MAGI3: variants seen among roughly 807,000 people sequenced by gnomAD.
MAGI3 encodes membrane associated guanylate kinase, WW and PDZ domain containing 3, also known as membrane-associated guanylate kinase, WW and PDZ domain-containing protein 3.
Under a neutral mutation model 121.8 loss-of-function variants are expected in MAGI3, and 43 were observed. That is an observed-to-expected ratio of 0.35 (90% CI 0.28 to 0.46). MAGI3 has a LOEUF of 0.46. Among genes scored for constraint, MAGI3 ranks in the 20% least tolerant of loss-of-function variants. MAGI3 has a pLI of 1.00. For missense variants in MAGI3, 1,547 were observed against 1,797.3 expected (o/e 0.86, Z 2.52); for synonymous variants, 553 against 639.3 (o/e 0.86, Z 2.04).
chr1:113,510,456 A>C (rs1258293021), intron 1 of MAGI3, among the ~76,000 whole-genome samples: 3 of 151,908 alleles, frequency 2.0e-5, no homozygotes, highest in Non-Finnish European at 4.4e-5. Context: ...AAAGCACCAA[A>C]TATCTGTTTG....
intron 1 of MAGI3, among the ~76,000 whole-genome samples, chr1:113,514,071 T>C (rs1013233779): frequency 2.6e-5 from 4 of 151,890 alleles, no homozygotes; most frequent in Non-Finnish European, 5.9e-5. Context: ...AAAACCACAA[T>C]GAGATACCAT....
chr1:113,529,669 T>G (rs565771422), intron 1 of MAGI3, among the ~76,000 whole-genome samples: 28 of 152,314 alleles, frequency 1.8e-4, no homozygotes, highest in African/African-American at 6.7e-4. Flanking sequence ...GAGGCATGCC[T>G]AGTATATTTG....
rs3748001 is a variant in MAGI3 at position 113,658,936 on chromosome 1, C to T, written c.2630-144C>T. The T allele has an allele frequency of 1.9e-3, 1,314 of 689,596 alleles. 32 individuals are homozygous for T. In the East Asian group the frequency reaches 0.028, roughly 15 times the overall value. 42.7% of individuals were successfully genotyped at this position (689,596 alleles called of 1,614,324 possible). A position where few individuals can be genotyped will look rare whatever the true frequency, so the allele number is the denominator to read the frequency against. Reference sequence around the variant, plus strand: ...GTATGAAAATAGTTCCGTTTGGATGCGATGATGACGTGTGGTACTTTTCTG... The same window carrying T: ...GTATGAAAATAGTTCCGTTTGGATGTGATGATGACGTGTGGTACTTTTCTG... On this transcript the variant is annotated intron_variant, in intron 15 of 20. Transcript: ENST00000307546. This position sits in a 1 kb window ranked among gnomAD's most constrained non-coding sequence, Gnocchi z 4.0.
At chr1:113,514,596 A>G (rs1396257297) in intron 1 of MAGI3, among the ~76,000 whole-genome samples, 1 of 150,692 alleles carries the variant, frequency 6.6e-6, no homozygotes, top group Non-Finnish European at 1.5e-5. Flanking sequence ...GGACACAGGA[A>G]GGGGAACATC....
At chr1:113,530,300 A>G (rs1658643790) in intron 1 of MAGI3, among the ~76,000 whole-genome samples, 1 of 151,072 alleles carries the variant, frequency 6.6e-6, no homozygotes, top group East Asian at 1.9e-4. Flanking sequence ...TGATTAGCTC[A>G]TCTAAAACTT....
At chr1:113,629,763 C>CCCCCT (rs1553209695) in intron 9 of MAGI3, among the ~76,000 whole-genome samples, 1 of 45,174 alleles carries the variant, frequency 2.2e-5, no homozygotes, top group Non-Finnish European at 4.6e-5. Context: ...TCTCTCTCTC[C>CCCCCT]CTCCCTCCCT....
At position 113,584,966 on chromosome 1, in the gene MAGI3, CCTTT is replaced by C. The variant is rs1648266251; in HGVS notation, c.554-420_554-417del. Among the ~76,000 whole-genome samples the C allele has an allele frequency of 1.4e-4, 15 of 110,730 alleles. 1 individual carries two copies. Among genetic ancestry groups the C allele is most frequent in the African/African-American group, 4.4e-4 (12 of 27,324 alleles). 72.6% of individuals were successfully genotyped at this position (110,730 alleles called of 152,430 possible). A position where few individuals can be genotyped will look rare whatever the true frequency, so the allele number is the denominator to read the frequency against. On this transcript the variant is annotated intron_variant, in intron 3 of 20. Transcript: ENST00000307546. ...TCCTTTTGGCCAATGGTAGATATTTCCTTTTTTTTTTTTTTTTTTTTTTGAGGCA... is the reference window on the plus strand; with the variant it reads ...TCCTTTTGGCCAATGGTAGATATTTCTTTTTTTTTTTTTTTTTTTGAGGCA...
At chr1:113,639,142 T>A (rs1468322883) in intron 9 of MAGI3, among the ~76,000 whole-genome samples, 1 of 152,224 alleles carries the variant, frequency 6.6e-6, no homozygotes, top group Non-Finnish European at 1.5e-5. Flanking sequence ...CTGTCACCCC[T>A]TTCTTTGACT....
chr1:113,642,202 A>G lies in MAGI3; in HGVS notation c.1652A>G (p.Asp551Gly). ...NGKSGHTLTG[D>G]GLNGPSDASE... ...AAATCGGGACACACTTTGACTGGTGATGGTCTCAATGGACCATCAGATGCA... is the reference window on the plus strand; with the variant it reads ...AAATCGGGACACACTTTGACTGGTGGTGGTCTCAATGGACCATCAGATGCA... The change falls in exon 10 of 21, where the codon GAT becomes GGT. Residue 551 changes from aspartate (D) to glycine (G), a missense_variant. Coordinates refer to ENST00000307546, the MANE Select transcript of MAGI3 (RefSeq NM_001142782.2). 6.2e-7 allele frequency: 1 copy of G among 1,614,150 alleles called. No homozygotes were observed. Among genetic ancestry groups the G allele is most frequent in the Non-Finnish European group, 8.5e-7 (1 of 1,180,028 alleles).
intron 4 of MAGI3, 99 bp from the exon 5 acceptor site, chr1:113,590,385 A>G: frequency 1.7e-6 from 2 of 1,150,934 alleles, no homozygotes; most frequent in Non-Finnish European, 2.4e-6. Flanking sequence ...AATTTGCCAT[A>G]TTTATGTATT....
chr1:113,391,485 G>A lies in MAGI3; in HGVS notation c.316+136G>A. The A allele has an allele frequency of 2.0e-6, 2 of 999,228 alleles. No homozygotes were observed. Among genetic ancestry groups the A allele is most frequent in the Non-Finnish European group, 2.9e-6 (2 of 696,030 alleles). The allele number at this position is 999,228 out of a possible 1,614,324, so 61.9% of individuals were successfully genotyped here. A position where few individuals can be genotyped will look rare whatever the true frequency, so the allele number is the denominator to read the frequency against. ...ACCTCTAGGGTGTGCCAGACTCCTT[G>A]ACGAGGGGGAGGGGTGGCGTTGGTG... On this transcript the variant is annotated intron_variant, in intron 1 of 20. Coordinates refer to ENST00000307546, the MANE Select transcript of MAGI3 (RefSeq NM_001142782.2). The surrounding 1 kb of genome is among the most constrained non-coding windows in gnomAD (Gnocchi z 4.4).
intron 1 of MAGI3, among the ~76,000 whole-genome samples, chr1:113,394,577 T>G (rs1265156495): frequency 1.3e-5 from 2 of 152,190 alleles, no homozygotes; most frequent in Non-Finnish European, 2.9e-5. Context: ...CTATTCTGAT[T>G]AATATACAAG....
At chr1:113,619,659 A>T in intron 7 of MAGI3, 77 bp from the exon 8 acceptor site, 1 of 959,470 alleles carries the variant, frequency 1.0e-6, no homozygotes, top group South Asian at 1.4e-5. Context: ...ATGATGATGG[A>T]ATGGTATGAT....
At chr1:113,449,116 CAAA>C (rs111501053) in intron 1 of MAGI3, among the ~76,000 whole-genome samples, 1 of 73,324 alleles carries the variant, frequency 1.4e-5, no homozygotes. Flanking sequence ...AACTTCATTT[CAAA>C]AAAAAAAAAA....
In MAGI3 at chr1:113,683,680, C is replaced by G. The variant is rs1648363148; in HGVS notation, c.4112C>G (p.Thr1371Ser). 4 of 1,604,676 alleles carry G rather than the reference C, an allele frequency of 2.5e-6. No homozygotes were observed. The highest frequency in any genetic ancestry group is 3.4e-6 in the Non-Finnish European group (4 of 1,175,524). The change falls in exon 21 of 21, where the codon ACT becomes AGT. Residue 1371 changes from threonine to serine, a missense_variant. Thr to Ser is a moderately conservative substitution (Grantham distance 58). Coordinates refer to ENST00000307546, the MANE Select transcript of MAGI3 (RefSeq NM_001142782.2). ...MVEKSLPSKM[T>S]NKTTSKEVSE... Reference sequence around the variant, plus strand: ...GAGAAATCTCTTCCATCCAAAATGACTAATAAGACTACAAGTAAAGAAGTA... The same window carrying G: ...GAGAAATCTCTTCCATCCAAAATGAGTAATAAGACTACAAGTAAAGAAGTA...
At chr1:113,442,209 T>C (rs1653953425) in intron 1 of MAGI3, among the ~76,000 whole-genome samples, 1 of 152,156 alleles carries the variant, frequency 6.6e-6, no homozygotes, top group Non-Finnish European at 1.5e-5. Flanking sequence ...TACTTTACTG[T>C]GACAACTTTT....
intron 15 of MAGI3, among the ~76,000 whole-genome samples, chr1:113,655,007 A>G (rs1162978081): frequency 6.6e-6 from 1 of 152,228 alleles, no homozygotes; most frequent in Non-Finnish European, 1.5e-5. Context: ...AAAAGAGTCC[A>G]TGACATGGAT....
chr1:113,595,530 G>T (rs79222562), intron 6 of MAGI3, among the ~76,000 whole-genome samples: 224 of 40,746 alleles, frequency 5.5e-3, no homozygotes, highest in African/African-American at 0.038. Flanking sequence ...TCTATAAAAA[G>T]AAATTAAACA....
chr1:113,504,716 T>C (rs1657223610), intron 1 of MAGI3, among the ~76,000 whole-genome samples: 1 of 152,148 alleles, frequency 6.6e-6, no homozygotes, highest in South Asian at 2.1e-4. Context: ...TCAGGAAATA[T>C]ATCCCTAAGA....
Sources: gnomAD v4.1 joint callset for allele counts (sites outside exome capture counted in the v4.1 genomes callset) on GRCh38, gnomAD v4.1.1 for gene constraint, Gnocchi (gnomAD v3.1) non-coding constraint, MANE v1.5 for transcripts, NCBI Gene and HGNC (gene_info 2026-07-23, HGNC 2026-07-21) for gene names.